PCDH9: variants seen among roughly 807,000 people sequenced by gnomAD.
The protein encoded by PCDH9 is protocadherin 9.
Under a neutral mutation model 70.6 loss-of-function variants are expected in PCDH9, and 24 were observed. The observed-to-expected ratio is 0.34, with a 90% CI of 0.25 to 0.48. The LOEUF (loss-of-function observed/expected upper bound fraction) is 0.48. PCDH9 is among the 20% of genes least tolerant of loss of function. PCDH9 has a pLI of 0.99. For missense variants in PCDH9, 1,281 were observed against 1,503.6 expected (o/e 0.85, Z 2.45); for synonymous variants, 562 against 558.5 (o/e 1.01, Z -0.09).
At chr13:66,401,149 C>T (rs1302139619) in intron 4 of PCDH9, among the ~76,000 whole-genome samples, 1 of 151,986 alleles carries the variant, frequency 6.6e-6, no homozygotes, top group Non-Finnish European at 1.5e-5. Flanking sequence ...GAAAACGTGC[C>T]CATGCATAGG....
intron 3 of PCDH9, among the ~76,000 whole-genome samples, chr13:66,848,755 C>T (rs2081256914): frequency 6.6e-6 from 1 of 151,700 alleles, no homozygotes; most frequent in African/African-American, 2.4e-5. Flanking sequence ...GGTGAAACCC[C>T]GTCTCTATTA....
At chr13:67,047,550 C>G (rs978540625) in intron 2 of PCDH9, among the ~76,000 whole-genome samples, 5 of 152,118 alleles carry the variant, frequency 3.3e-5, no homozygotes, top group Non-Finnish European at 7.4e-5. Context: ...TTATTTCTTT[C>G]CCCCACTCTG....
intron 4 of PCDH9, among the ~76,000 whole-genome samples, chr13:66,318,072 A>C (rs945349985): frequency 6.6e-6 from 1 of 152,136 alleles, no homozygotes; most frequent in Non-Finnish European, 1.5e-5. Context: ...TTGTAGAGAG[A>C]AATTTTGCCC....
chr13:67,199,460 A>T (rs2138046780), intron 2 of PCDH9, among the ~76,000 whole-genome samples: 1 of 152,090 alleles, frequency 6.6e-6, no homozygotes, highest in African/African-American at 2.4e-5. Context: ...TATCCAATTT[A>T]ATAGCAAAAT....
At chr13:66,467,527 A>G (rs1046652145) in intron 4 of PCDH9, among the ~76,000 whole-genome samples, 2 of 152,152 alleles carry the variant, frequency 1.3e-5, no homozygotes, top group African/African-American at 4.8e-5. Context: ...GCCAGCTTAC[A>G]TCAGTGTGCA....
At chr13:66,404,057 G>C (rs1957235556) in intron 4 of PCDH9, among the ~76,000 whole-genome samples, 1 of 152,182 alleles carries the variant, frequency 6.6e-6, no homozygotes, top group Non-Finnish European at 1.5e-5. Flanking sequence ...AAATTTGGCA[G>C]TGCTCATGGG....
intron 3 of PCDH9, among the ~76,000 whole-genome samples, chr13:66,742,551 C>A (rs962276023): frequency 1.4e-5 from 2 of 147,278 alleles, no homozygotes; most frequent in African/African-American, 5.1e-5. Flanking sequence ...TCAGAGTGAA[C>A]AGGTAACCTA....
At chr13:66,924,563 T>C (rs1422533565) in intron 2 of PCDH9, among the ~76,000 whole-genome samples, 3 of 151,746 alleles carry the variant, frequency 2.0e-5, no homozygotes, top group Admixed American at 6.6e-5. Flanking sequence ...GTAAAGAACA[T>C]ATATAAGAAA....
At chr13:66,413,713 A>G (rs952177842) in intron 4 of PCDH9, among the ~76,000 whole-genome samples, 2 of 151,836 alleles carry the variant, frequency 1.3e-5, no homozygotes, top group Non-Finnish European at 2.9e-5. Context: ...AAAATAAAAT[A>G]AAATATTAAA....
chr13:66,863,045 A>G (rs1025492996), intron 3 of PCDH9, among the ~76,000 whole-genome samples: 4 of 152,234 alleles, frequency 2.6e-5, no homozygotes, highest in Non-Finnish European at 4.4e-5. Flanking sequence ...TTTCAAGTAC[A>G]TAACATTCTA....
chr13:66,982,357 T>C (rs200734628), intron 2 of PCDH9, among the ~76,000 whole-genome samples: 1 of 152,260 alleles, frequency 6.6e-6, no homozygotes, highest in East Asian at 1.9e-4. Flanking sequence ...ACCAATCCCT[T>C]ATATCCGCTA....
At chr13:66,700,923 AAT>A (rs58852431) in intron 3 of PCDH9, among the ~76,000 whole-genome samples, 1,680 of 58,272 alleles carry the variant, frequency 0.029, 23 homozygotes, top group Non-Finnish European at 0.03. Context: ...TGTACATATA[AAT>A]ATATATATAT....
At chr13:66,450,753 C>T (rs878965997) in intron 4 of PCDH9, among the ~76,000 whole-genome samples, 3 of 152,162 alleles carry the variant, frequency 2.0e-5, no homozygotes, top group Non-Finnish European at 4.4e-5. Flanking sequence ...CGGTGGCTCA[C>T]GCCTGTAATC....
chr13:66,890,006 A>G (rs1315875004), intron 3 of PCDH9, among the ~76,000 whole-genome samples: 1 of 152,178 alleles, frequency 6.6e-6, no homozygotes, highest in Non-Finnish European at 1.5e-5. Flanking sequence ...TTCAGTAAAC[A>G]AAAAGATATG....
chr13:66,625,268 C>T (rs989327602), intron 4 of PCDH9, among the ~76,000 whole-genome samples: 3 of 152,142 alleles, frequency 2.0e-5, no homozygotes, highest in Admixed American at 1.3e-4. Context: ...TTTTATGATA[C>T]TGAAGAAAGG....
intron 3 of PCDH9, among the ~76,000 whole-genome samples, chr13:66,902,539 T>C (rs1156662945): frequency 6.6e-6 from 1 of 151,524 alleles, no homozygotes; most frequent in Non-Finnish European, 1.5e-5. Context: ...GGAGGGGACC[T>C]ACGTTCTGTA....
chr13:66,963,843 C>T (rs1331483554), intron 2 of PCDH9, among the ~76,000 whole-genome samples: 1 of 152,066 alleles, frequency 6.6e-6, no homozygotes, highest in Non-Finnish European at 1.5e-5. Context: ...TGTTTCTGAC[C>T]TTGTGAATAG....
At chr13:66,994,439 G>A (rs538986099) in intron 2 of PCDH9, among the ~76,000 whole-genome samples, 2 of 152,318 alleles carry the variant, frequency 1.3e-5, no homozygotes, top group East Asian at 3.9e-4. Context: ...CGGATATGCA[G>A]AGCGCTGAGA....
chr13:67,167,974 C>T (rs1270704161), intron 2 of PCDH9, among the ~76,000 whole-genome samples: 2 of 152,160 alleles, frequency 1.3e-5, no homozygotes, highest in Non-Finnish European at 2.9e-5. Flanking sequence ...AGCTTGAGGA[C>T]ACATGCCCAC....
Sources: gnomAD v4.1 joint callset for allele counts (sites outside exome capture counted in the v4.1 genomes callset) on GRCh38, gnomAD v4.1.1 for gene constraint, MANE v1.5 for transcripts, NCBI Gene and HGNC (gene_info 2026-07-23, HGNC 2026-07-21) for gene names.